The following ZC4H2 variants were observed in gnomAD, a reference collection of about 807,000 sequenced individuals.
ZC4H2 encodes zinc finger C4H2-type containing, also known as zinc finger C4H2 domain-containing protein.
For synonymous variants in ZC4H2, 84 were observed against 66.3 expected, an observed-to-expected ratio of 1.27 and a Z score of -1.30; for missense variants, 137 against 173.9, an observed-to-expected ratio of 0.79 and a Z score of 1.19.
chrX:64,987,005 G>A (rs1217715157), intron 1 of ZC4H2, among the ~76,000 whole-genome samples: 1 of 101,046 alleles, frequency 9.9e-6, no homozygotes, highest in Non-Finnish European at 2.0e-5. Flanking sequence ...TAGGCAAACT[G>A]CAAGCTCTGC....
At chrX:64,982,166 C>T (rs939343164) in intron 1 of ZC4H2, among the ~76,000 whole-genome samples, 1 of 111,458 alleles carries the variant, frequency 9.0e-6, no homozygotes, top group Non-Finnish European at 1.9e-5. Flanking sequence ...TCATCCACAC[C>T]CTCCCCTCTT....
chrX:65,025,974 C>T (rs771793691), intron 1 of ZC4H2, among the ~76,000 whole-genome samples: 2 of 112,051 alleles, frequency 1.8e-5, no homozygotes, highest in South Asian at 7.5e-4. Flanking sequence ...TGAATTGATG[C>T]CAGTCTGCTT....
intron 1 of ZC4H2, among the ~76,000 whole-genome samples, chrX:64,962,208 AC>A (rs1931420647): frequency 8.9e-6 from 1 of 111,847 alleles, no homozygotes; most frequent in African/African-American, 3.2e-5. Context: ...AAAGTATCAT[AC>A]AACACGGCCA....
chrX:64,982,368 T>C (rs1932099115), intron 1 of ZC4H2, among the ~76,000 whole-genome samples: 1 of 111,826 alleles, frequency 8.9e-6, no homozygotes, highest in South Asian at 3.7e-4. Flanking sequence ...AGGGCCCTTG[T>C]CCCCCTCACA....
intron 1 of ZC4H2, among the ~76,000 whole-genome samples, chrX:64,949,530 C>A (rs1380066468): frequency 9.0e-6 from 1 of 111,645 alleles, no homozygotes; most frequent in Non-Finnish European, 1.9e-5. Flanking sequence ...GACCCTTAAG[C>A]ACCCAGAGGA....
intron 1 of ZC4H2, among the ~76,000 whole-genome samples, chrX:65,004,283 G>T (rs1932612217): frequency 9.0e-6 from 1 of 111,603 alleles, no homozygotes; most frequent in Admixed American, 9.5e-5. Context: ...AAGAATAAAA[G>T]AAAATGTCGG....
At chrX:64,994,970 T>C (rs2147275673) in intron 1 of ZC4H2, among the ~76,000 whole-genome samples, 1 of 111,179 alleles carries the variant, frequency 9.0e-6, no homozygotes, top group South Asian at 3.8e-4. Context: ...AACAAAATCT[T>C]ACATAACTGC....
At chrX:64,987,879 C>T in intron 1 of ZC4H2, among the ~76,000 whole-genome samples, 1 of 63,291 alleles carries the variant, frequency 1.6e-5, no homozygotes, top group Non-Finnish European at 2.8e-5. Flanking sequence ...TGCTATCCCT[C>T]CCCCCTCCCC....
At chrX:64,990,940 T>C (rs1932296616) in intron 1 of ZC4H2, among the ~76,000 whole-genome samples, 1 of 112,110 alleles carries the variant, frequency 8.9e-6, no homozygotes, top group Non-Finnish European at 1.9e-5. Flanking sequence ...AGCCCAAATA[T>C]ATCAGCAATC....
Position 64,917,756 on chromosome X carries a change from G to A in ZC4H2, c.*27C>T. 1 of 1,201,777 alleles carries A rather than the reference G, an allele frequency of 8.3e-7. No homozygotes were observed. The highest frequency in any genetic ancestry group is 1.1e-6 in the Non-Finnish European group (1 of 890,213). On this transcript the variant is annotated 3_prime_UTR_variant, in exon 5 of 5. Transcript: ENST00000374839. Reference sequence around the variant, plus strand: ...TGGTCAAGGTGAGGGGTTATAATTAGCAAAGCTTCATGTGCTCTCCCTTTC... The same window carrying A: ...TGGTCAAGGTGAGGGGTTATAATTAACAAAGCTTCATGTGCTCTCCCTTTC...
chrX:65,014,008 T>C (rs1932781274), intron 1 of ZC4H2, among the ~76,000 whole-genome samples: 1 of 110,564 alleles, frequency 9.0e-6, no homozygotes, highest in East Asian at 2.9e-4. Flanking sequence ...AGCTTTATAA[T>C]AATCAGGTTA....
chrX:65,006,461 A>T (rs890618308), intron 1 of ZC4H2, among the ~76,000 whole-genome samples: 1 of 109,701 alleles, frequency 9.1e-6, no homozygotes, highest in African/African-American at 3.3e-5. Context: ...TTGCAAGGAC[A>T]AAAAACCAAG....
At chrX:64,998,375 T>C (rs1932460112) in intron 1 of ZC4H2, among the ~76,000 whole-genome samples, 1 of 111,683 alleles carries the variant, frequency 9.0e-6, no homozygotes, top group East Asian at 2.8e-4. Flanking sequence ...TATACTAATG[T>C]CAGACAAAAT....
intron 1 of ZC4H2, among the ~76,000 whole-genome samples, chrX:64,988,684 C>G (rs1932245304): frequency 9.0e-6 from 1 of 110,777 alleles, no homozygotes; most frequent in Non-Finnish European, 1.9e-5. Context: ...CCTGTTCACT[C>G]TCATGGTAGT....
In ZC4H2 at chrX:64,921,814, T is replaced by C; in HGVS notation, c.225+3A>G. The C allele has an allele frequency of 8.3e-7, 1 of 1,209,753 alleles. No individual in the cohort carries two copies. The highest frequency in any genetic ancestry group is 1.1e-6 in the Non-Finnish European group (1 of 894,701). The stretch of plus-strand genomic sequence containing the variant: ...TAGAGATAGGCTCCAGGCAGCCACG[T>C]ACCACATTGATGTCAGCGTGGATCA... On this transcript the variant is annotated splice_donor_region_variant and intron_variant, in intron 2 of 4. Transcript: ENST00000374839.
intron 1 of ZC4H2, among the ~76,000 whole-genome samples, chrX:65,031,711 C>A (rs1932935859): frequency 8.9e-6 from 1 of 111,864 alleles, no homozygotes; most frequent in South Asian, 3.7e-4. Context: ...ATAATGCACA[C>A]ATATTTCCAA....
chrX:64,935,694 G>A (rs748585060), intron 1 of ZC4H2, among the ~76,000 whole-genome samples: 1 of 112,061 alleles, frequency 8.9e-6, no homozygotes, highest in South Asian at 3.7e-4. Flanking sequence ...GGTCTGGAGT[G>A]GACCTCCAGC....
chrX:64,929,882 T>C (rs1929663806), intron 1 of ZC4H2, among the ~76,000 whole-genome samples: 1 of 111,472 alleles, frequency 9.0e-6, no homozygotes, highest in South Asian at 3.8e-4. Flanking sequence ...GAATTTTAGA[T>C]TGCTTTTTTC....
At chrX:64,919,957 T>A (rs1257104023) in intron 3 of ZC4H2, 124 bp downstream of exon 3, 4 of 736,796 alleles carry the variant, frequency 5.4e-6, no homozygotes, top group Non-Finnish European at 7.5e-6. Flanking sequence ...GGACTAAAAC[T>A]AGGCACTCTG....
Sources: allele counts gnomAD v4.1 joint callset (sites outside exome capture counted in the v4.1 genomes callset), GRCh38; gene constraint gnomAD v4.1.1; transcripts MANE v1.5; gene names NCBI Gene and HGNC (gene_info 2026-07-23, HGNC 2026-07-21).